The following PRP4K variants were observed in gnomAD, a reference collection of about 807,000 sequenced individuals.
PRP4K encodes pre-mRNA processing factor kinase PRP4K.
At chr6:4,050,728 A>G in the PRP4K span, among the ~76,000 whole-genome samples, 1 of 152,192 alleles carries the variant, frequency 6.6e-6, no homozygotes, top group Non-Finnish European at 1.5e-5. Flanking sequence ...TTAAGTTTAG[A>G]TTGCCCTAGG....
chr6:4,057,214 AG>A, the PRP4K span: 8 of 1,598,828 alleles, frequency 5.0e-6, no homozygotes, highest in Non-Finnish European at 6.8e-6. Context: ...AGCTTCTTTA[AG>A]GTCTTAGTTT....
chr6:4,029,922 G>A, the PRP4K span, among the ~76,000 whole-genome samples: 1 of 149,574 alleles, frequency 6.7e-6, no homozygotes, highest in Non-Finnish European at 1.5e-5. Flanking sequence ...TACTGGTTTT[G>A]TAATCTGTTT....
At chr6:4,058,941 A>G in the PRP4K span, 29 of 660,496 alleles carry the variant, frequency 4.4e-5, no homozygotes, top group East Asian at 6.6e-4. Flanking sequence ...CTGTCGACCA[A>G]TTCCTAAATA....
chr6:4,038,513 G>T, the PRP4K span, among the ~76,000 whole-genome samples: 2 of 151,096 alleles, frequency 1.3e-5, no homozygotes, highest in South Asian at 2.1e-4. Context: ...GGCTGGTCTC[G>T]AACTCCTGAC....
the PRP4K span, among the ~76,000 whole-genome samples, chr6:4,026,141 A>G: frequency 3.3e-5 from 5 of 152,050 alleles, no homozygotes; most frequent in Non-Finnish European, 7.4e-5. Context: ...AGCTGGGATT[A>G]CAGGCATGTG....
chr6:4,044,051 T>G, the PRP4K span: 1 of 1,593,840 alleles, frequency 6.3e-7, no homozygotes, highest in Non-Finnish European at 8.6e-7. Context: ...TGGCGACGCT[T>G]TTCTCTGAAT....
the PRP4K span, among the ~76,000 whole-genome samples, chr6:4,044,876 T>TTTTC: frequency 6.0e-5 from 9 of 150,280 alleles, no homozygotes; most frequent in African/African-American, 1.9e-4. Flanking sequence ...TTTTTTTTTT[T>TTTTC]TTAAGAGACA....
chr6:4,043,421 G>A, the PRP4K span, among the ~76,000 whole-genome samples: 3 of 152,120 alleles, frequency 2.0e-5, no homozygotes, highest in Admixed American at 1.3e-4. Flanking sequence ...AAATTTTTGA[G>A]TTTTAGAAAG....
At chr6:4,031,492 T>C in the PRP4K span, 2 of 1,254,844 alleles carry the variant, frequency 1.6e-6, no homozygotes, top group Admixed American at 2.6e-5. Flanking sequence ...ATTACTGTTA[T>C]TTTCTTATGG....
the PRP4K span, chr6:4,064,223 G>A: frequency 6.6e-6 from 1 of 152,410 alleles, no homozygotes; most frequent in African/African-American, 2.4e-5. Context: ...CCATTATTAA[G>A]TACCACTTTA....
the PRP4K span, chr6:4,049,190 G>A: frequency 1.7e-6 from 2 of 1,209,914 alleles, no homozygotes; most frequent in Non-Finnish European, 2.3e-6. Flanking sequence ...CAGATTATTG[G>A]AGAACTCTGA....
the PRP4K span, among the ~76,000 whole-genome samples, chr6:4,027,626 G>A: frequency 2.1e-5 from 3 of 145,678 alleles, no homozygotes; most frequent in South Asian, 2.2e-4. Context: ...GGGTTGGTCC[G>A]TGCTAGGCAC....
the PRP4K span, chr6:4,049,351 G>A: frequency 2.1e-6 from 1 of 467,004 alleles, no homozygotes; most frequent in Non-Finnish European, 3.7e-6. Flanking sequence ...ATTATTTTCA[G>A]CCATGAGATA....
At chr6:4,038,944 T>C in the PRP4K span, among the ~76,000 whole-genome samples, 1 of 151,596 alleles carries the variant, frequency 6.6e-6, no homozygotes, top group South Asian at 2.1e-4. Flanking sequence ...CTTTCTTTCT[T>C]TCTGTTTTTT....
At chr6:4,060,702 A>C in the PRP4K span, 1 of 1,215,878 alleles carries the variant, frequency 8.2e-7, no homozygotes, top group South Asian at 1.6e-5. This position sits in a 1 kb window ranked among gnomAD's most constrained non-coding sequence, Gnocchi z 4.7. Context: ...TAAACTTATA[A>C]ATATTTCTCC....
chr6:4,056,451 T>C, the PRP4K span: 24 of 1,612,584 alleles, frequency 1.5e-5, no homozygotes, highest in Non-Finnish European at 2.0e-5. Context: ...TTTCTTAATG[T>C]TCTTTGACCT....
the PRP4K span, chr6:4,031,617 G>T: frequency 6.3e-7 from 1 of 1,592,092 alleles, no homozygotes; most frequent in South Asian, 1.2e-5. Context: ...AGTATCAGAA[G>T]ACCAGTCTCA....
chr6:4,021,539 G>A, the PRP4K span: 33 of 1,543,544 alleles, frequency 2.1e-5, no homozygotes, highest in Non-Finnish European at 2.8e-5. Context: ...CGGGGTGGCG[G>A]GAAAGTTCGG....
the PRP4K span, chr6:4,032,784 T>C: frequency 6.6e-7 from 1 of 1,513,750 alleles, no homozygotes; most frequent in Non-Finnish European, 8.8e-7. Flanking sequence ...GTTAAAGCTT[T>C]TTACCAGTGC....
Sources: allele counts gnomAD v4.1 joint callset (sites outside exome capture counted in the v4.1 genomes callset), GRCh38; gene constraint gnomAD v4.1.1; non-coding constraint Gnocchi (gnomAD v3.1); transcripts MANE v1.5; gene names NCBI Gene and HGNC (gene_info 2026-07-23, HGNC 2026-07-21).